ZCCHC7: variants seen among roughly 807,000 people sequenced by gnomAD.
ZCCHC7 encodes zinc finger CCHC-type containing 7.
A neutral mutation model predicts 52.0 loss-of-function variants in ZCCHC7; 35 were observed. The ratio of observed to expected loss-of-function variants is 0.67; its 90% CI spans 0.51 to 0.89. The LOEUF (loss-of-function observed/expected upper bound fraction) is 0.89. Ranked by LOEUF, ZCCHC7 falls within the 40% of genes least tolerant of loss-of-function variation. ZCCHC7 has a pLI of 0.00. For synonymous variants in ZCCHC7, 217 were observed against 221.5 expected (o/e 0.98, Z 0.18); for missense variants, 574 against 649.1 (o/e 0.88, Z 1.26).
At chr9:37,210,193 G>A (rs563363946) in intron 2 of ZCCHC7, among the ~76,000 whole-genome samples, 78 of 152,104 alleles carry the variant, frequency 5.1e-4, no homozygotes, top group Non-Finnish European at 9.6e-4. Flanking sequence ...TTGTGTATGT[G>A]CACTTTATCC....
intron 2 of ZCCHC7, among the ~76,000 whole-genome samples, chr9:37,216,832 A>T (rs1824533947): frequency 6.6e-6 from 1 of 152,128 alleles, no homozygotes; most frequent in South Asian, 2.1e-4. Context: ...TATGCATTTG[A>T]TTTTATGTTA....
chr9:37,157,867 C>T (rs530292164), intron 2 of ZCCHC7, among the ~76,000 whole-genome samples: 5 of 152,334 alleles, frequency 3.3e-5, no homozygotes, highest in Non-Finnish European at 7.4e-5. Context: ...ATAGCTGTTA[C>T]AGGAAACAGT....
intron 2 of ZCCHC7, among the ~76,000 whole-genome samples, chr9:37,206,326 A>G (rs1459085999): frequency 3.8e-5 from 1 of 26,210 alleles, no homozygotes; most frequent in Non-Finnish European, 7.2e-5. Context: ...CCTCCTCCCC[A>G]CTTCTCTCTC....
At chr9:37,293,459 A>T (rs2133643222) in intron 2 of ZCCHC7, among the ~76,000 whole-genome samples, 1 of 152,222 alleles carries the variant, frequency 6.6e-6, no homozygotes, top group Non-Finnish European at 1.5e-5. Flanking sequence ...TTCCCTAGAA[A>T]CCTTTTTAAA....
chr9:37,314,045 C>T (rs1293805762), intron 5 of ZCCHC7, among the ~76,000 whole-genome samples: 1 of 152,174 alleles, frequency 6.6e-6, no homozygotes, highest in Non-Finnish European at 1.5e-5. Flanking sequence ...ATCTTTTCAA[C>T]TCTCCGTATA....
Position 37,304,253 on chromosome 9 carries a change from CATT to C in ZCCHC7, c.723_725del (p.Ile242del). ...AGCGGTACTATTCAGCCAACAAAAA[CATT>C]ATCTGTAGAAATTGTGACAAACGTG... On this transcript the variant is annotated inframe_deletion, in exon 4 of 9. Coordinates refer to ENST00000336755, the MANE Select transcript of ZCCHC7 (RefSeq NM_032226.3). 1 of 1,613,762 alleles carries C rather than the reference CATT, an allele frequency of 6.2e-7. No homozygotes were observed. Among genetic ancestry groups the C allele is most frequent in the Non-Finnish European group, 8.5e-7 (1 of 1,179,840 alleles).
chr9:37,256,094 TTTCTGACTGG>T (rs1444480471), intron 2 of ZCCHC7, among the ~76,000 whole-genome samples: 1 of 152,168 alleles, frequency 6.6e-6, no homozygotes, highest in Non-Finnish European at 1.5e-5. Flanking sequence ...TAAAATGCCA[TTTCTGACTGG>T]TTACTAGCTT....
At chr9:37,279,343 G>C (rs1827837373) in intron 2 of ZCCHC7, among the ~76,000 whole-genome samples, 1 of 151,578 alleles carries the variant, frequency 6.6e-6, no homozygotes, top group Non-Finnish European at 1.5e-5. Flanking sequence ...TAAATTGTAT[G>C]ATATTAACTC....
At chr9:37,151,114 G>A (rs1201675818) in intron 2 of ZCCHC7, among the ~76,000 whole-genome samples, 2 of 151,836 alleles carry the variant, frequency 1.3e-5, no homozygotes, top group African/African-American at 2.4e-5. Context: ...ACAGGCGCCT[G>A]CCACCACGCC....
chr9:37,279,540 G>A (rs1827849152), intron 2 of ZCCHC7, among the ~76,000 whole-genome samples: 1 of 151,972 alleles, frequency 6.6e-6, no homozygotes, highest in Admixed American at 6.5e-5. Flanking sequence ...AGCAGTAATT[G>A]AAAGATCTAA....
At chr9:37,199,731 C>G (rs1187776410) in intron 2 of ZCCHC7, among the ~76,000 whole-genome samples, 1 of 148,390 alleles carries the variant, frequency 6.7e-6, no homozygotes, top group Non-Finnish European at 1.5e-5. Flanking sequence ...TTTCTTTCTC[C>G]TTTTCTCTCT....
chr9:37,164,111 A>G (rs1005459810), intron 2 of ZCCHC7, among the ~76,000 whole-genome samples: 1 of 151,178 alleles, frequency 6.6e-6, no homozygotes, highest in African/African-American at 2.4e-5. Flanking sequence ...TGTTTTGGTT[A>G]TTTTAGGTCC....
chr9:37,288,456 T>C (rs958832359), intron 2 of ZCCHC7, among the ~76,000 whole-genome samples: 1 of 151,860 alleles, frequency 6.6e-6, no homozygotes, highest in Non-Finnish European at 1.5e-5. Context: ...CTTGCCATAA[T>C]AGAAGGTAGA....
intron 6 of ZCCHC7, among the ~76,000 whole-genome samples, chr9:37,334,211 G>A (rs937546725): frequency 1.3e-5 from 2 of 151,766 alleles, no homozygotes; most frequent in African/African-American, 2.4e-5. Context: ...ATTATATTCC[G>A]AGTGATCAAA....
Position 37,302,070 on chromosome 9 carries a change from A to G in ZCCHC7, c.611-118A>G, listed in dbSNP as rs775662303. The G allele has an allele frequency of 7.2e-4, 584 of 805,792 alleles. 1 individual carries two copies. Among genetic ancestry groups the G allele is most frequent in the Non-Finnish European group, 1.0e-3 (498 of 481,532 alleles). The allele number at this position is 805,792 out of a possible 1,614,324, so 49.9% of individuals were successfully genotyped here. A position where few individuals can be genotyped will look rare whatever the true frequency, so the allele number is the denominator to read the frequency against. ...CCAAAATAGGAATTTCAGGTATTCA[A>G]CATTTCTCAGTGTACCTTTGGGGTC... On this transcript the variant is annotated intron_variant, in intron 2 of 8. Transcript: ENST00000336755.
At chr9:37,175,598 G>C (rs1205352780) in intron 2 of ZCCHC7, among the ~76,000 whole-genome samples, 1 of 152,078 alleles carries the variant, frequency 6.6e-6, no homozygotes, top group East Asian at 1.9e-4. Flanking sequence ...TTAGCTGGGT[G>C]TGGTGGTGCT....
intron 2 of ZCCHC7, among the ~76,000 whole-genome samples, chr9:37,246,714 C>G (rs1162839818): frequency 6.6e-6 from 1 of 152,030 alleles, no homozygotes; most frequent in East Asian, 1.9e-4. Context: ...CTCTCGGTAT[C>G]TACAGATTCA....
chr9:37,141,330 C>T (rs575636478), intron 2 of ZCCHC7, among the ~76,000 whole-genome samples: 1 of 151,398 alleles, frequency 6.6e-6, no homozygotes, highest in East Asian at 1.9e-4. Context: ...TTGTTTTGAT[C>T]TTTCTTCCTT....
At position 37,227,450 on chromosome 9, in the gene ZCCHC7, A is replaced by G. The variant is rs116072195; in HGVS notation, c.611-74738A>G. ...GAATAGGTCATAATTGAAAAGATCA[A>G]CCATTTCAAATATATGGAGAATGTC... On this transcript the variant is annotated intron_variant, in intron 2 of 8. Coordinates refer to ENST00000336755, the MANE Select transcript of ZCCHC7 (RefSeq NM_032226.3). Among the ~76,000 whole-genome samples, 463 of 152,306 alleles carry G rather than the reference A, an allele frequency of 3.0e-3. 3 individuals are homozygous for G. The highest frequency in any genetic ancestry group is 0.01 in the African/African-American group (416 of 41,570).
Sources: allele counts gnomAD v4.1 joint callset (sites outside exome capture counted in the v4.1 genomes callset), GRCh38; gene constraint gnomAD v4.1.1; transcripts MANE v1.5; gene names NCBI Gene and HGNC (gene_info 2026-07-23, HGNC 2026-07-21).